Variants in SDK1 observed in about 807,000 individuals in gnomAD.
SDK1 encodes protein sidekick-1.
In SDK1, 157 loss-of-function variants were observed where a neutral mutation model predicts 245.5. The observed-to-expected ratio is 0.64, with a 90% CI of 0.56 to 0.73. The LOEUF is 0.73. SDK1 is among the 30% of genes least tolerant of loss of function. The probability of loss-of-function intolerance (pLI) is 0.00; values close to 1 mark genes in which losing one functional copy is unlikely to be tolerated. For missense variants in SDK1, 3,583 were observed against 3,002.3 expected (o/e 1.19, Z -4.52); for synonymous variants, 1,647 against 1,278.5 (o/e 1.29, Z -6.15).
chr7:3,505,892 G>A (rs1166360395), intron 1 of SDK1, among the ~76,000 whole-genome samples: 1 of 151,954 alleles, frequency 6.6e-6, no homozygotes, highest in African/African-American at 2.4e-5. Flanking sequence ...GAAGACTGTT[G>A]CTTTTATTTC....
intron 7 of SDK1, among the ~76,000 whole-genome samples, chr7:3,953,726 A>C (rs538514409): frequency 7.9e-5 from 12 of 152,338 alleles, no homozygotes; most frequent in Admixed American, 5.2e-4. Flanking sequence ...CTTTAGTTTT[A>C]CATTTATATC....
Position 4,210,118 on chromosome 7 carries a change from T to C in SDK1, c.5495T>C (p.Leu1832Pro). The change falls in exon 38 of 45, where the codon CTG becomes CCG. Residue 1832 changes from leucine (L) to proline (P), a missense_variant. By Grantham distance (98) the Leu-to-Pro change is moderately conservative. Coordinates refer to ENST00000404826, the MANE Select transcript of SDK1 (RefSeq NM_152744.4). ...GAGCCTGCGGCGGCCAACGGCATCC[T>C]GCAGGGCTATCGGGTGGTGTACGAG... ...WGEPAAANGI[L>P]QGYRVVYEPL... 3 of 1,609,082 alleles carry C rather than the reference T, an allele frequency of 1.9e-6. No individual in the cohort carries two copies. Among genetic ancestry groups the C allele is most frequent in the Non-Finnish European group, 2.5e-6 (3 of 1,178,080 alleles).
intron 32 of SDK1, 152 bp downstream of exon 32, chr7:4,162,008 C>T (rs1039022161): frequency 2.4e-5 from 14 of 582,776 alleles, no homozygotes; most frequent in Non-Finnish European, 4.3e-5. Context: ...CTCAAAAACG[C>T]GAGGGGGAAA....
At chr7:3,841,374 T>TG (rs1234091981) in intron 5 of SDK1, among the ~76,000 whole-genome samples, 1 of 152,148 alleles carries the variant, frequency 6.6e-6, no homozygotes, top group African/African-American at 2.4e-5. Flanking sequence ...CAAGCCCCGT[T>TG]GCAGAGTTGC....
chr7:3,860,337 G>T (rs1043156641), intron 5 of SDK1, among the ~76,000 whole-genome samples: 1 of 152,066 alleles, frequency 6.6e-6, no homozygotes, highest in African/African-American at 2.4e-5. Flanking sequence ...AAAAGACAAT[G>T]AAAAAAAGAT....
In SDK1 at chr7:3,636,363, C is replaced by T. The variant is rs75248698; in HGVS notation, c.459-2641C>T. ...AACTTCCTGCCCTTGGATTCCTCCC[C>T]GCTTCCCCTCCCCTGTACCCACTAG... On this transcript the variant is annotated intron_variant, in intron 2 of 44. Transcript: ENST00000404826. Among the ~76,000 whole-genome samples the T allele has an allele frequency of 3.9e-3, 587 of 152,228 alleles. 7 individuals are homozygous for T. The highest frequency in any genetic ancestry group is 0.013 in the African/African-American group (543 of 41,534).
intron 1 of SDK1, among the ~76,000 whole-genome samples, chr7:3,596,061 A>G (rs368875152): frequency 2.0e-5 from 3 of 152,054 alleles, no homozygotes; most frequent in East Asian, 1.9e-4. Context: ...TAGATGCTCA[A>G]TAATTGTTAG....
At chr7:3,869,761 G>A (rs778027066) in intron 5 of SDK1, among the ~76,000 whole-genome samples, 28 of 152,204 alleles carry the variant, frequency 1.8e-4, no homozygotes, top group Non-Finnish European at 3.5e-4. Flanking sequence ...CACTGCACAT[G>A]GAGATGTCTT....
chr7:3,558,747 G>A (rs548476796), intron 1 of SDK1, among the ~76,000 whole-genome samples: 1 of 152,278 alleles, frequency 6.6e-6, no homozygotes, highest in East Asian at 1.9e-4. Flanking sequence ...AATTTTCAAA[G>A]TATGCTTAAT....
chr7:4,010,849 C>A, intron 14 of SDK1, 117 bp from the exon 15 acceptor site: 1 of 1,052,802 alleles, frequency 9.5e-7, no homozygotes. Flanking sequence ...CTTTCCTTCT[C>A]CTAGAGCTGT....
intron 14 of SDK1, 136 bp downstream of exon 14, chr7:3,987,458 C>A: frequency 1.1e-6 from 1 of 900,626 alleles, no homozygotes; most frequent in Non-Finnish European, 1.7e-6. Context: ...GGGTTTCAAA[C>A]ACAGCCTGCC....
chr7:3,463,948 C>A (rs1659934817), intron 1 of SDK1, among the ~76,000 whole-genome samples: 1 of 152,144 alleles, frequency 6.6e-6, no homozygotes, highest in Admixed American at 6.6e-5. Context: ...GCTTTTTCTC[C>A]CAGCTCTGGA....
chr7:3,828,681 G>C (rs1480200761), intron 5 of SDK1, among the ~76,000 whole-genome samples: 3 of 131,958 alleles, frequency 2.3e-5, no homozygotes, highest in Non-Finnish European at 4.7e-5. Flanking sequence ...TTTGACACAA[G>C]GACTCTGTCA....
intron 4 of SDK1, among the ~76,000 whole-genome samples, chr7:3,658,322 A>G (rs139441729): frequency 3.4e-3 from 523 of 152,234 alleles, no homozygotes; most frequent in African/African-American, 0.011. Flanking sequence ...GACAGCCCCT[A>G]ATATCGAGGT....
intron 4 of SDK1, among the ~76,000 whole-genome samples, chr7:3,714,646 A>G (rs1014758402): frequency 2.0e-5 from 3 of 152,228 alleles, no homozygotes; most frequent in African/African-American, 7.2e-5. Context: ...CGTTTAATAC[A>G]CTTTATTGAA....
intron 6 of SDK1, among the ~76,000 whole-genome samples, chr7:3,951,357 A>G (rs905880525): frequency 1.3e-4 from 20 of 152,254 alleles, no homozygotes; most frequent in South Asian, 2.1e-4. Flanking sequence ...TAGTCAGCCA[A>G]GGTGTTCTCT....
chr7:3,614,359 G>A (rs574502191), intron 1 of SDK1, among the ~76,000 whole-genome samples: 38 of 152,242 alleles, frequency 2.5e-4, no homozygotes, highest in African/African-American at 8.9e-4. Flanking sequence ...TATTCCTAAC[G>A]TCTGCTCATT....
intron 1 of SDK1, among the ~76,000 whole-genome samples, chr7:3,485,024 C>T (rs554536818): frequency 2.6e-5 from 4 of 152,226 alleles, no homozygotes; most frequent in African/African-American, 7.2e-5. Context: ...TACCCAGCAG[C>T]GGAATTGCTA....
chr7:3,648,259 G>C (rs192585265), intron 4 of SDK1, among the ~76,000 whole-genome samples: 1 of 152,128 alleles, frequency 6.6e-6, no homozygotes, highest in Non-Finnish European at 1.5e-5. Context: ...ATTTATGTTG[G>C]TAGTTATCAG....
Sources: gnomAD v4.1 joint callset for allele counts (sites outside exome capture counted in the v4.1 genomes callset) on GRCh38, gnomAD v4.1.1 for gene constraint, MANE v1.5 for transcripts, NCBI Gene and HGNC (gene_info 2026-07-23, HGNC 2026-07-21) for gene names.